PDK1: variants seen among roughly 807,000 people sequenced by gnomAD.
PDK1 encodes the protein pyruvate dehydrogenase kinase 1.
Under a neutral mutation model 54.2 loss-of-function variants are expected in PDK1, and 39 were observed. That is an observed-to-expected ratio of 0.72 (90% CI 0.56 to 0.94). The LOEUF is 0.94. Ranked by LOEUF, PDK1 falls within the 40% of genes least tolerant of loss-of-function variation. The pLI is 0.00. For missense variants in PDK1, 552 were observed against 566.0 expected, an observed-to-expected ratio of 0.98 and a Z score of 0.25; for synonymous variants, 221 against 207.1, an observed-to-expected ratio of 1.07 and a Z score of -0.58.
chr2:172,619,832 T>C, the PDK1 span, among the ~76,000 whole-genome samples: 8 of 152,154 alleles, frequency 5.3e-5, no homozygotes, highest in Admixed American at 2.6e-4. Context: ...AAATTACAGA[T>C]TGGCAATCTT....
At chr2:172,702,802 T>C in the PDK1 span, among the ~76,000 whole-genome samples, 7 of 152,122 alleles carry the variant, frequency 4.6e-5, no homozygotes, top group Non-Finnish European at 8.8e-5. Flanking sequence ...GTTGGAATTA[T>C]CTAGATCACC....
At chr2:172,609,725 A>G (rs1209429036), downstream of PDK1, among the ~76,000 whole-genome samples, 1 of 152,256 alleles carries the variant, frequency 6.6e-6, no homozygotes. Flanking sequence ...GTATTGTCCC[A>G]AAAGTAAACT....
chr2:172,648,537 C>T, the PDK1 span, among the ~76,000 whole-genome samples: 3 of 152,128 alleles, frequency 2.0e-5, no homozygotes, highest in Non-Finnish European at 2.9e-5. Flanking sequence ...AGCGGGGCAT[C>T]GCCTCACCTG....
rs138949182 is a variant in PDK1, at chr2:172,583,993, A to C, written c.946-2285A>C. 4.4e-3 allele frequency among the ~76,000 whole-genome samples: 666 copies of C among 152,318 alleles called. 6 individuals are homozygous for C. The highest frequency in any genetic ancestry group is 0.015 in the African/African-American group (603 of 41,570). The stretch of plus-strand genomic sequence containing the variant: ...GGATAGTAGCTAGGAAAATAAGTCC[A>C]TGTTAACTTTGAAGGAAAAGAAAAA... On this transcript the variant is annotated intron_variant, in intron 8 of 10. Transcript: ENST00000282077.
At chr2:172,677,953 T>G in the PDK1 span, among the ~76,000 whole-genome samples, 1 of 152,022 alleles carries the variant, frequency 6.6e-6, no homozygotes, top group Admixed American at 6.5e-5. Context: ...CGGATCACCT[T>G]AGGTCAGGAG....
intron 1 of PDK1, chr2:172,556,588 G>A: frequency 8.2e-6 from 3 of 363,800 alleles, no homozygotes; most frequent in African/African-American, 2.1e-5. Flanking sequence ...AACCAGCTGG[G>A]CCGCGGGACG....
the PDK1 span, among the ~76,000 whole-genome samples, chr2:172,642,004 A>G: frequency 6.6e-6 from 1 of 152,142 alleles, no homozygotes; most frequent in Admixed American, 6.5e-5. Flanking sequence ...CTAAGCCCCA[A>G]CAATAACGTC....
chr2:172,576,233 TG>T (rs1018983595), intron 8 of PDK1, among the ~76,000 whole-genome samples: 63 of 152,304 alleles, frequency 4.1e-4, no homozygotes, highest in African/African-American at 1.5e-3. Flanking sequence ...GCCTATAGTT[TG>T]TGTTTTTATA....
chr2:172,664,816 A>G, the PDK1 span, among the ~76,000 whole-genome samples: 1 of 152,108 alleles, frequency 6.6e-6, no homozygotes, highest in Non-Finnish European at 1.5e-5. Flanking sequence ...CTATTCTGTT[A>G]ACTTTTAATT....
the PDK1 span, among the ~76,000 whole-genome samples, chr2:172,630,932 C>A: frequency 1.3e-5 from 2 of 152,066 alleles, no homozygotes; most frequent in East Asian, 1.9e-4. Context: ...GCTCAGCCAC[C>A]CTCTCATGGA....
At chr2:172,625,769 T>G in the PDK1 span, among the ~76,000 whole-genome samples, 1 of 152,184 alleles carries the variant, frequency 6.6e-6, no homozygotes, top group South Asian at 2.1e-4. Flanking sequence ...GTATAAAGAC[T>G]CTTGGGCATT....
chr2:172,609,965 G>A (rs1329286218), downstream of PDK1, among the ~76,000 whole-genome samples: 1 of 152,106 alleles, frequency 6.6e-6, no homozygotes, highest in African/African-American at 2.4e-5. Context: ...GGGACTACAA[G>A]TGCCTGCCAC....
At chr2:172,584,675 G>T (rs1281678662) in intron 8 of PDK1, among the ~76,000 whole-genome samples, 3 of 142,870 alleles carry the variant, frequency 2.1e-5, no homozygotes, top group Non-Finnish European at 4.6e-5. Context: ...TTTAAATAGA[G>T]GCAGGGTTTT....
At chr2:172,632,353 A>G in the PDK1 span, among the ~76,000 whole-genome samples, 2 of 152,156 alleles carry the variant, frequency 1.3e-5, no homozygotes, top group Non-Finnish European at 2.9e-5. Context: ...GGAAAAAGGG[A>G]ACTCTTTACA....
At chr2:172,635,086 A>G in the PDK1 span, among the ~76,000 whole-genome samples, 1 of 152,224 alleles carries the variant, frequency 6.6e-6, no homozygotes, top group Admixed American at 6.5e-5. Context: ...TAAGTCTACA[A>G]TATCACTGCA....
the PDK1 span, among the ~76,000 whole-genome samples, chr2:172,651,420 G>A: frequency 2.0e-5 from 3 of 152,224 alleles, no homozygotes; most frequent in South Asian, 6.2e-4. Context: ...AAGAACTAGA[G>A]AAGCAAGAGC....
the PDK1 span, among the ~76,000 whole-genome samples, chr2:172,709,447 G>A: frequency 6.6e-6 from 1 of 152,208 alleles, no homozygotes. Context: ...AGTTAGTTCT[G>A]TTAGGGAAAA....
chr2:172,559,011 C>T (rs945864736), intron 2 of PDK1, among the ~76,000 whole-genome samples, 162 bp downstream of exon 2: 1 of 151,886 alleles, frequency 6.6e-6, no homozygotes, highest in Non-Finnish European at 1.5e-5. Context: ...TGCAGTGGCG[C>T]GATCTTGCCT....
chr2:172,677,713 G>T, the PDK1 span: 1 of 152,214 alleles, frequency 6.6e-6, no homozygotes, highest in African/African-American at 2.4e-5. Context: ...TTAAAAAGAG[G>T]CAGTTGTTAA....
Sources: allele counts gnomAD v4.1 joint callset (sites outside exome capture counted in the v4.1 genomes callset), GRCh38; gene constraint gnomAD v4.1.1; transcripts MANE v1.5; gene names NCBI Gene and HGNC (gene_info 2026-07-23, HGNC 2026-07-21).